CDH19: variants seen among roughly 807,000 people sequenced by gnomAD.
CDH19 encodes cadherin 19, also known as cadherin-19.
In CDH19, 67 loss-of-function variants were observed where a neutral mutation model predicts 64.2. The ratio of observed to expected loss-of-function variants is 1.04; its 90% confidence interval spans 0.86 to 1.28. The LOEUF (loss-of-function observed/expected upper bound fraction) is 1.28. Among genes scored for constraint, CDH19 ranks in the 50% most tolerant of loss-of-function variants. CDH19 has a pLI of 0.00. For missense variants in CDH19, 1,030 were observed against 929.0 expected (o/e 1.11, Z -1.41); for synonymous variants, 346 against 319.3 (o/e 1.08, Z -0.89).
At chr18:66,595,733 T>C (rs1189958102) in intron 1 of CDH19, among the ~76,000 whole-genome samples, 1 of 152,064 alleles carries the variant, frequency 6.6e-6, no homozygotes, top group East Asian at 1.9e-4. Context: ...TTATACCAGA[T>C]ACTATAAAGA....
chr18:66,534,363 C>T (rs1986575524), intron 8 of CDH19, among the ~76,000 whole-genome samples: 1 of 151,886 alleles, frequency 6.6e-6, no homozygotes, highest in Non-Finnish European at 1.5e-5. Context: ...ATATCACCTG[C>T]CATCTGCCTG....
intron 10 of CDH19, 122 bp from the exon 11 acceptor site, chr18:66,509,368 GA>G: frequency 2.5e-6 from 2 of 799,414 alleles, no homozygotes; most frequent in Non-Finnish European, 3.8e-6. Flanking sequence ...ATAAAAGGAA[GA>G]CGAAATTTCT....
intron 10 of CDH19, among the ~76,000 whole-genome samples, chr18:66,509,867 T>C (rs911991964): frequency 6.6e-6 from 1 of 151,880 alleles, no homozygotes; most frequent in Admixed American, 6.6e-5. Context: ...TATTAGTATA[T>C]TTCATATCAC....
intron 7 of CDH19, among the ~76,000 whole-genome samples, chr18:66,538,552 T>C (rs183246965): frequency 6.6e-6 from 1 of 152,222 alleles, no homozygotes; most frequent in East Asian, 1.9e-4. Context: ...TTTGAGTCAA[T>C]TCCAGTTATT....
intron 8 of CDH19, 42 bp from the exon 9 acceptor site, chr18:66,530,008 A>T: frequency 9.4e-7 from 1 of 1,060,772 alleles, no homozygotes; most frequent in Non-Finnish European, 1.3e-6. Context: ...ACATATTTTA[A>T]TATGTCTTTA....
rs925086111 is a variant in CDH19, at chr18:66,567,263, A to G, written c.490+1153T>C. On this transcript the variant is annotated intron_variant, in intron 3 of 11. Transcript: ENST00000262150. ...TGCAAGAAGAAGAAGAAGCAGTGGC[A>G]GAGGAAGAAAAGCAAGAAGCAGAGG... Among the ~76,000 whole-genome samples, 3 of 151,652 alleles carry G rather than the reference A, an allele frequency of 2.0e-5. No individual in the cohort carries two copies. In the Admixed American group the frequency reaches 2.0e-4, roughly 10 times the overall value.
In CDH19 at chr18:66,504,096, G is replaced by T. The variant is rs1468357515; in HGVS notation, c.*716C>A. ...AACCATTTAAAAAGGTTGAGCGTTT[G>T]CATTAGATGACATTGAAAAATAGTA... On this transcript the variant is annotated 3_prime_UTR_variant, in exon 12 of 12. Transcript: ENST00000262150. 3.3e-5 allele frequency: 5 copies of T among 151,814 alleles called. No homozygotes were observed. The highest frequency in any genetic ancestry group is 5.9e-5 in the Non-Finnish European group (4 of 67,888). The allele number at this position is 151,814 out of a possible 1,614,324, so 9.4% of individuals were successfully genotyped here.
intron 3 of CDH19, among the ~76,000 whole-genome samples, chr18:66,555,855 AATTCTCTATC>A (rs1599011299): frequency 1.3e-5 from 2 of 151,852 alleles, no homozygotes; most frequent in East Asian, 3.9e-4. Flanking sequence ...TCCTCATTAT[AATTCTCTATC>A]ATTTCTTTCC....
At chr18:66,553,145 C>G (rs1325518229) in intron 4 of CDH19, among the ~76,000 whole-genome samples, 1 of 134,456 alleles carries the variant, frequency 7.4e-6, no homozygotes, top group South Asian at 2.4e-4. Context: ...GTGTGTATTA[C>G]TATTCATGTT....
At chr18:66,548,387 G>C (rs1021404465) in intron 5 of CDH19, among the ~76,000 whole-genome samples, 1 of 150,918 alleles carries the variant, frequency 6.6e-6, no homozygotes, top group South Asian at 2.1e-4. Context: ...AGGTGGTTAT[G>C]TAAAGCCACG....
At chr18:66,539,973 T>C (rs1311226148) in intron 7 of CDH19, among the ~76,000 whole-genome samples, 5 of 152,160 alleles carry the variant, frequency 3.3e-5, no homozygotes, top group South Asian at 2.1e-4. Context: ...TCTAAATGTA[T>C]AGGCATAGCA....
intron 9 of CDH19, among the ~76,000 whole-genome samples, chr18:66,527,045 A>ATG (rs1174272068): frequency 1.1e-3 from 134 of 117,690 alleles, no homozygotes; most frequent in African/African-American, 3.5e-3. Flanking sequence ...GTATATATAT[A>ATG]TATGTGTGTG....
At chr18:66,557,123 C>T (rs1039185960) in intron 3 of CDH19, among the ~76,000 whole-genome samples, 9 of 151,976 alleles carry the variant, frequency 5.9e-5, no homozygotes, top group South Asian at 2.1e-4. Flanking sequence ...CCCATGTTCA[C>T]TGCAGACTTA....
chr18:66,548,871 A>G (rs1032209606), intron 5 of CDH19, among the ~76,000 whole-genome samples: 2 of 152,150 alleles, frequency 1.3e-5, no homozygotes, highest in Admixed American at 1.3e-4. Flanking sequence ...TTGTTTTAGG[A>G]TGTGAGAAAA....
At chr18:66,554,599 T>G in intron 3 of CDH19, 75 bp from the exon 4 acceptor site, 1 of 1,227,024 alleles carries the variant, frequency 8.1e-7, no homozygotes, top group Non-Finnish European at 1.1e-6. Flanking sequence ...AAGCGGTCTT[T>G]CTTTACCAAG....
In CDH19 at chr18:66,603,934, C is replaced by A. The variant is rs998693438; in HGVS notation, c.-113+20G>T. On this transcript the variant is annotated intron_variant, in intron 1 of 11. Coordinates refer to ENST00000262150, the MANE Select transcript of CDH19 (RefSeq NM_021153.4). ...GATGATGCATGTAGTTTATAATATG[C>A]CTGATTATCACAGTCTTACCTTTGT... The A allele has an allele frequency of 2.0e-5, 3 of 152,046 alleles. No homozygotes were observed. Among genetic ancestry groups the A allele is most frequent in the African/African-American group, 7.2e-5 (3 of 41,390 alleles). 9.4% of individuals were successfully genotyped at this position (152,046 alleles called of 1,614,324 possible).
At chr18:66,566,977 G>A (rs891682779) in intron 3 of CDH19, among the ~76,000 whole-genome samples, 2 of 151,650 alleles carry the variant, frequency 1.3e-5, no homozygotes, top group African/African-American at 2.4e-5. Context: ...GGTATGGATG[G>A]CCTCTTTGTA....
At chr18:66,598,295 A>G (rs1415514925) in intron 1 of CDH19, among the ~76,000 whole-genome samples, 1 of 152,178 alleles carries the variant, frequency 6.6e-6, no homozygotes, top group Non-Finnish European at 1.5e-5. Context: ...GTAGTGGATT[A>G]TATCACTACC....
chr18:66,521,057 T>G (rs1162268751), intron 9 of CDH19, among the ~76,000 whole-genome samples: 3 of 146,628 alleles, frequency 2.0e-5, no homozygotes, highest in Non-Finnish European at 3.1e-5. Flanking sequence ...TCATTTTATA[T>G]ACATTTTTAC....
Sources: gnomAD v4.1 joint callset for allele counts (sites outside exome capture counted in the v4.1 genomes callset) on GRCh38, gnomAD v4.1.1 for gene constraint, MANE v1.5 for transcripts, NCBI Gene and HGNC (gene_info 2026-07-23, HGNC 2026-07-21) for gene names.